The following TEK variants were observed in gnomAD, a reference collection of about 807,000 sequenced individuals.
TEK encodes the protein TEK receptor tyrosine kinase, also known as angiopoietin-1 receptor.
TEK carries 43 observed loss-of-function variants against 131.8 expected under a neutral mutation model. The ratio of observed to expected loss-of-function variants is 0.33; its 90% CI spans 0.26 to 0.42. TEK has a LOEUF of 0.42. Among genes scored for constraint, TEK ranks in the 10% least tolerant of loss-of-function variants. The probability of loss-of-function intolerance (pLI) is 1.00; values close to 1 mark genes in which losing one functional copy is unlikely to be tolerated. For synonymous variants in TEK, 580 were observed against 491.6 expected (o/e 1.18, Z -2.38); for missense variants, 1,162 against 1,384.4 (o/e 0.84, Z 2.55).
chr9:27,195,596 G>A (rs910059277), intron 11 of TEK: 3 of 455,136 alleles, frequency 6.6e-6, no homozygotes, highest in Non-Finnish European at 1.3e-5. Flanking sequence ...CCTACGTTTT[G>A]GAAGGACTTC....
rs528713725 is a variant in TEK at position 27,163,000 on chromosome 9, C to T, written c.364+4858C>T. Among the ~76,000 whole-genome samples, 6 of 152,336 alleles carry T rather than the reference C, an allele frequency of 3.9e-5. No individual in the cohort carries two copies. The East Asian group carries it at 1.2e-3, about 29-fold the overall frequency. Reference sequence around the variant, plus strand: ...AAGTGCTGGGATTACAGGCGTGAGCCAGTGCGCCCAGCCACCACAATTATT... The same window carrying T: ...AAGTGCTGGGATTACAGGCGTGAGCTAGTGCGCCCAGCCACCACAATTATT... On this transcript the variant is annotated intron_variant, in intron 2 of 22. Coordinates refer to ENST00000380036, the MANE Select transcript of TEK (RefSeq NM_000459.5).
At chr9:27,213,032 G>C (rs1374555834) in intron 17 of TEK, 135 bp downstream of exon 17, 4 of 922,734 alleles carry the variant, frequency 4.3e-6, no homozygotes, top group African/African-American at 1.7e-5. Flanking sequence ...TAATCTCTCT[G>C]TGAATAGTCC....
chr9:27,171,277 G>A (rs762580532), intron 4 of TEK, among the ~76,000 whole-genome samples: 1 of 152,112 alleles, frequency 6.6e-6, no homozygotes, highest in Non-Finnish European at 1.5e-5. Context: ...GAAGTCTTCA[G>A]GTCTAAATGC....
intron 1 of TEK, among the ~76,000 whole-genome samples, chr9:27,121,380 G>T (rs1014977752): frequency 1.3e-5 from 2 of 151,648 alleles, no homozygotes; most frequent in African/African-American, 4.8e-5. Context: ...TTCTGAGTTA[G>T]GGTTACCTTA....
At chr9:27,217,814 T>C in intron 19 of TEK, 56 bp downstream of exon 19, 1 of 1,460,546 alleles carries the variant, frequency 6.8e-7, no homozygotes, top group Non-Finnish European at 9.6e-7. Context: ...AACATATACA[T>C]TTGACAGAGG....
intron 1 of TEK, among the ~76,000 whole-genome samples, chr9:27,137,844 T>G (rs1003493114): frequency 7.9e-5 from 12 of 152,162 alleles, no homozygotes; most frequent in East Asian, 3.9e-4. Context: ...AGTTCTTTTG[T>G]GTCCGGAATT....
At chr9:27,204,860 G>C (rs1825347098) in intron 13 of TEK, 51 bp from the exon 14 acceptor site, 2 of 1,611,094 alleles carry the variant, frequency 1.2e-6, no homozygotes, top group African/African-American at 1.3e-5. Context: ...GTGTGGGTCT[G>C]TTTCTCTATG....
chr9:27,194,438 C>T (rs1824934968), intron 11 of TEK, among the ~76,000 whole-genome samples: 1 of 152,124 alleles, frequency 6.6e-6, no homozygotes. Context: ...CTTGGGGACC[C>T]ACCTGGTTGT....
chr9:27,116,324 T>C (rs920644060), intron 1 of TEK, among the ~76,000 whole-genome samples: 2 of 152,190 alleles, frequency 1.3e-5, no homozygotes, highest in African/African-American at 4.8e-5. Context: ...AGTCTTGCTG[T>C]GTCGCCCAGG....
intron 1 of TEK, among the ~76,000 whole-genome samples, chr9:27,150,635 C>T (rs1823089939): frequency 6.6e-6 from 1 of 152,128 alleles, no homozygotes; most frequent in Non-Finnish European, 1.5e-5. Flanking sequence ...GTGAGGCTTG[C>T]ACCAAGCAGT....
At chr9:27,120,427 C>T (rs1412849811) in intron 1 of TEK, among the ~76,000 whole-genome samples, 1 of 152,256 alleles carries the variant, frequency 6.6e-6, no homozygotes, top group Non-Finnish European at 1.5e-5. Flanking sequence ...TAGGGCCCTG[C>T]CTTAGCCTGA....
chr9:27,110,892 A>G (rs1461093878), intron 1 of TEK, among the ~76,000 whole-genome samples: 1 of 143,372 alleles, frequency 7.0e-6, no homozygotes, highest in African/African-American at 2.6e-5. Flanking sequence ...ATGTACTTCA[A>G]ATAATTATCA....
At chr9:27,197,857 A>T (rs1441638338) in intron 12 of TEK, among the ~76,000 whole-genome samples, 2 of 152,176 alleles carry the variant, frequency 1.3e-5, no homozygotes, top group African/African-American at 4.8e-5. Flanking sequence ...TAAATTAGTA[A>T]CAAGAAGTTT....
chr9:27,128,187 C>A (rs1822063944), intron 1 of TEK, among the ~76,000 whole-genome samples: 1 of 152,182 alleles, frequency 6.6e-6, no homozygotes, highest in African/African-American at 2.4e-5. Flanking sequence ...TTTCAGCTTT[C>A]TGCATATGGC....
At chr9:27,179,554 C>G (rs1330624548) in intron 6 of TEK, among the ~76,000 whole-genome samples, 1 of 152,162 alleles carries the variant, frequency 6.6e-6, no homozygotes, top group East Asian at 1.9e-4. Context: ...GAATATGATA[C>G]ATTCCTTTTG....
In TEK at chr9:27,229,744, T is replaced by G. The variant is rs1043938897; in HGVS notation, c.*512T>G. ...AAAAATCTAAGTGATATAAATCAGA[T>G]TCTTCTCTCTCAATTTTATCCCTCA... On this transcript the variant is annotated 3_prime_UTR_variant, in exon 23 of 23. Coordinates refer to ENST00000380036, the MANE Select transcript of TEK (RefSeq NM_000459.5). The G allele has an allele frequency of 1.8e-5, 3 of 164,830 alleles. No individual in the cohort carries two copies. The highest frequency in any genetic ancestry group is 7.2e-5 in the African/African-American group (3 of 41,554). The allele number at this position is 164,830 out of a possible 1,614,324, so 10.2% of individuals were successfully genotyped here.
intron 2 of TEK, among the ~76,000 whole-genome samples, chr9:27,161,783 T>A (rs1471798619): frequency 6.6e-6 from 1 of 152,206 alleles, no homozygotes; most frequent in Non-Finnish European, 1.5e-5. Flanking sequence ...AGTTACTTAA[T>A]TGAAGTCATA....
intron 2 of TEK, among the ~76,000 whole-genome samples, chr9:27,159,530 G>A (rs182926395): frequency 6.6e-6 from 1 of 152,094 alleles, no homozygotes; most frequent in African/African-American, 2.4e-5. Context: ...CGAGTACCCA[G>A]GTCCAGCTCA....
At chr9:27,225,511 T>C (rs541552487) in intron 21 of TEK, among the ~76,000 whole-genome samples, 47 of 152,292 alleles carry the variant, frequency 3.1e-4, no homozygotes, top group African/African-American at 1.1e-3. Flanking sequence ...ATTTAATAAA[T>C]GGCGTTGGGA....
Sources: gnomAD v4.1 joint callset for allele counts (sites outside exome capture counted in the v4.1 genomes callset) on GRCh38, gnomAD v4.1.1 for gene constraint, MANE v1.5 for transcripts, NCBI Gene and HGNC (gene_info 2026-07-23, HGNC 2026-07-21) for gene names.